The following GPR176 variants were observed in gnomAD, a reference collection of about 807,000 sequenced individuals.
GPR176 encodes G-protein coupled receptor 176.
A neutral mutation model predicts 35.4 loss-of-function variants in GPR176; 26 were observed. That is an observed-to-expected ratio of 0.74 (90% CI 0.54 to 1.02). The LOEUF is 1.02. Ranked by LOEUF, GPR176 falls within the 50% of genes least tolerant of loss-of-function variation. The probability of loss-of-function intolerance (pLI) is 0.00; values close to 1 mark genes in which losing one functional copy is unlikely to be tolerated. For missense variants in GPR176, 597 were observed against 665.3 expected (o/e 0.90, Z 1.13); for synonymous variants, 278 against 271.3 (o/e 1.02, Z -0.24).
intron 1 of GPR176, among the ~76,000 whole-genome samples, chr15:39,824,837 C>T (rs890338588): frequency 1.3e-5 from 2 of 152,166 alleles, no homozygotes; most frequent in African/African-American, 4.8e-5. Flanking sequence ...ATCCCTCTAC[C>T]CCTCTGCTTT....
intron 1 of GPR176, among the ~76,000 whole-genome samples, chr15:39,880,463 C>G (rs902705643): frequency 1.0e-5 from 1 of 98,356 alleles, no homozygotes; most frequent in Non-Finnish European, 2.0e-5. Flanking sequence ...CTCATCTACT[C>G]TCATGGTTTG....
At chr15:39,814,079 A>G (rs1566937640) in intron 1 of GPR176, among the ~76,000 whole-genome samples, 2 of 152,194 alleles carry the variant, frequency 1.3e-5, no homozygotes, top group Admixed American at 1.3e-4. Context: ...CCAAGTGCTA[A>G]AAGTTCTGCA....
chr15:39,881,026 G>A (rs12901700), intron 1 of GPR176, among the ~76,000 whole-genome samples: 58,819 of 151,704 alleles, frequency 0.39, 11,551 homozygotes, highest in East Asian at 0.46. Flanking sequence ...CAAACTCAAA[G>A]CTTCCTAACC....
chr15:39,862,784 C>T (rs990710546), intron 1 of GPR176, among the ~76,000 whole-genome samples: 5 of 152,102 alleles, frequency 3.3e-5, no homozygotes, highest in African/African-American at 1.2e-4. Flanking sequence ...AAATAAACTA[C>T]TATGGTACTT....
chr15:39,903,193 T>C (rs994926857), intron 1 of GPR176, among the ~76,000 whole-genome samples: 1 of 152,232 alleles, frequency 6.6e-6, no homozygotes, highest in African/African-American at 2.4e-5. Flanking sequence ...GCTTATACTT[T>C]CAACTTACAA....
chr15:39,814,741 G>C (rs1181151160), intron 1 of GPR176, among the ~76,000 whole-genome samples: 1 of 152,180 alleles, frequency 6.6e-6, no homozygotes, highest in Admixed American at 6.5e-5. Context: ...GCACTTTTGT[G>C]AGCCAATAAA....
intron 1 of GPR176, among the ~76,000 whole-genome samples, chr15:39,823,032 A>G (rs1900381748): frequency 6.6e-6 from 1 of 152,122 alleles, no homozygotes; most frequent in African/African-American, 2.4e-5. Context: ...AGCAACACTT[A>G]TGTCCAGAGT....
intron 1 of GPR176, among the ~76,000 whole-genome samples, chr15:39,866,284 T>C (rs1048124913): frequency 1.3e-5 from 2 of 152,156 alleles, no homozygotes; most frequent in African/African-American, 2.4e-5. Flanking sequence ...TTTCTAATTA[T>C]CCCTCTCGAT....
chr15:39,872,655 T>C (rs150694794), intron 1 of GPR176, among the ~76,000 whole-genome samples: 166 of 152,280 alleles, frequency 1.1e-3, no homozygotes, highest in African/African-American at 3.8e-3. Context: ...GGAAATATAA[T>C]GTCAGCAACT....
chr15:39,884,098 C>T (rs539232493), intron 1 of GPR176, among the ~76,000 whole-genome samples: 1 of 152,340 alleles, frequency 6.6e-6, no homozygotes, highest in African/African-American at 2.4e-5. Context: ...CAGAGCTTAC[C>T]TGTGGGTTGT....
At chr15:39,832,690 A>ACACACACACACACAC (rs1300551755) in intron 1 of GPR176, among the ~76,000 whole-genome samples, 1 of 60,896 alleles carries the variant, frequency 1.6e-5, no homozygotes, top group Non-Finnish European at 4.9e-5. Context: ...CACACACACA[A>ACACACACACACACAC]ATCTTATAAT....
At chr15:39,910,989 G>A (rs932116864) in intron 1 of GPR176, among the ~76,000 whole-genome samples, 20 of 151,972 alleles carry the variant, frequency 1.3e-4, no homozygotes, top group Non-Finnish European at 2.1e-4. Context: ...AGTTAGTCAA[G>A]GTTGTACCAC....
chr15:39,909,313 G>A (rs142710898), intron 1 of GPR176, among the ~76,000 whole-genome samples: 1 of 152,322 alleles, frequency 6.6e-6, no homozygotes, highest in East Asian at 1.9e-4. Flanking sequence ...TCACGTAATA[G>A]TTGGTACATG....
chr15:39,876,235 A>G (rs1271825638), intron 1 of GPR176, among the ~76,000 whole-genome samples: 1 of 152,174 alleles, frequency 6.6e-6, no homozygotes, highest in Non-Finnish European at 1.5e-5. Flanking sequence ...TAAATGCTTC[A>G]GCTGCATAAA....
chr15:39,846,336 ATTTAG>A (rs2030425260), intron 1 of GPR176, among the ~76,000 whole-genome samples: 1 of 152,194 alleles, frequency 6.6e-6, no homozygotes, highest in Non-Finnish European at 1.5e-5. Flanking sequence ...CATGAGAGGA[ATTTAG>A]TTTATAGTTT....
At chr15:39,885,923 ACAATG>A (rs2032657150) in intron 1 of GPR176, among the ~76,000 whole-genome samples, 1 of 152,192 alleles carries the variant, frequency 6.6e-6, no homozygotes, top group Admixed American at 6.5e-5. Flanking sequence ...GGAACACTAA[ACAATG>A]CATCTTTAGA....
rs191307016 is a variant in GPR176 at position 39,875,350 on chromosome 15, T to C, written c.172+44505A>G. ...CAAATTGGAATTTCTATTGTTTCTT[T>C]GACTACAAAGAAATAATTTGTTTGG... On this transcript the variant is annotated intron_variant, in intron 1 of 2. Coordinates refer to ENST00000561100, the MANE Select transcript of GPR176 (RefSeq NM_007223.3). 5.8e-3 allele frequency among the ~76,000 whole-genome samples: 887 copies of C among 152,326 alleles called. 4 individuals carry two copies. Among genetic ancestry groups the C allele is most frequent in the Non-Finnish European group, 9.7e-3 (658 of 68,028 alleles).
chr15:39,911,823 T>C (rs1373878306), intron 1 of GPR176, among the ~76,000 whole-genome samples: 1 of 152,224 alleles, frequency 6.6e-6, no homozygotes, highest in Non-Finnish European at 1.5e-5. Context: ...GAATCAAACT[T>C]AAAAGATCCA....
chr15:39,875,919 T>TCA, intron 1 of GPR176, among the ~76,000 whole-genome samples: 1 of 125,176 alleles, frequency 8.0e-6, no homozygotes, highest in East Asian at 2.4e-4. Context: ...AATGTTTAAC[T>TCA]CATATATATA....
Sources: allele counts gnomAD v4.1 joint callset (sites outside exome capture counted in the v4.1 genomes callset), GRCh38; gene constraint gnomAD v4.1.1; transcripts MANE v1.5; gene names NCBI Gene and HGNC (gene_info 2026-07-23, HGNC 2026-07-21).